Variants in DGLUCY observed in about 807,000 individuals in gnomAD.
The protein encoded by DGLUCY is D-glutamate cyclase.
DGLUCY carries 58 observed loss-of-function variants against 58.5 expected under a neutral mutation model. The ratio of observed to expected loss-of-function variants is 0.99; its 90% CI spans 0.80 to 1.23. The LOEUF is 1.23. Ranked by LOEUF, DGLUCY falls within the 50% of genes most tolerant of loss-of-function variation. DGLUCY has a pLI of 0.00. For missense variants in DGLUCY, 779 were observed against 784.7 expected, an observed-to-expected ratio of 0.99 and a Z score of 0.09; for synonymous variants, 325 against 314.1, an observed-to-expected ratio of 1.03 and a Z score of -0.37.
At chr14:91,196,092 G>A (rs1396184621) in intron 9 of DGLUCY, among the ~76,000 whole-genome samples, 8 of 152,268 alleles carry the variant, frequency 5.3e-5, no homozygotes, top group Admixed American at 1.3e-4. Context: ...AGAACAGGCC[G>A]CTGTTCCCAT....
At position 91,173,395 on chromosome 14, in the gene DGLUCY, C is replaced by T; in HGVS notation, c.563C>T (p.Ser188Phe). Residue 188 changes from serine to phenylalanine, a missense_variant, in exon 6 of 14, where the codon TCC (serine) becomes TTC (phenylalanine). Physicochemically the swap from Ser to Phe is radical, Grantham distance 155. Coordinates refer to ENST00000256324, the MANE Select transcript of DGLUCY (RefSeq NM_001102368.3). ...GAAGGGCTGGTGCGGGCCTGCTGCT[C>T]CCTCGGAGGTGAGCAGGGGCAACCT... ...KLEGLVRACC[S>F]LGGEQGQPVH... is the part of the protein sequence containing the mutation. The T allele has an allele frequency of 1.2e-6, 2 of 1,611,434 alleles. No individual in the cohort carries two copies. Among genetic ancestry groups the T allele is most frequent in the Non-Finnish European group, 1.7e-6 (2 of 1,179,324 alleles).
chr14:91,169,341 T>C (rs1411660733), intron 4 of DGLUCY, among the ~76,000 whole-genome samples: 1 of 152,052 alleles, frequency 6.6e-6, no homozygotes, highest in Non-Finnish European at 1.5e-5. Flanking sequence ...ACATATTCTC[T>C]GTCCCCTTTG....
intron 13 of DGLUCY, among the ~76,000 whole-genome samples, chr14:91,220,158 G>A (rs1019458941): frequency 3.3e-5 from 5 of 152,240 alleles, no homozygotes; most frequent in African/African-American, 1.2e-4. Context: ...TGAAGTGGGT[G>A]GTTAGGAAGG....
At chr14:91,181,771 T>C (rs2049184373) in intron 8 of DGLUCY, among the ~76,000 whole-genome samples, 2 of 151,476 alleles carry the variant, frequency 1.3e-5, no homozygotes, top group South Asian at 2.1e-4. Context: ...CTCAGCCTCC[T>C]GAGTAGCTGG....
intron 1 of DGLUCY, among the ~76,000 whole-genome samples, chr14:91,070,791 A>G (rs2043902184): frequency 6.6e-6 from 1 of 152,208 alleles, no homozygotes; most frequent in Non-Finnish European, 1.5e-5. Context: ...CTGAAGACCA[A>G]GTCAGAACAA....
rs1205783662 is a variant in DGLUCY, at chr14:91,225,061, A to T, written c.*228A>T. 2.4e-6 allele frequency: 1 copy of T among 414,840 alleles called. No individual in the cohort carries two copies. The highest frequency in any genetic ancestry group is 2.0e-5 in the African/African-American group (1 of 48,798). 25.7% of individuals were successfully genotyped at this position (414,840 alleles called of 1,614,324 possible). A position where few individuals can be genotyped will look rare whatever the true frequency, so the allele number is the denominator to read the frequency against. ...GGGCTTTTTAACTTTTATTCCTAAG[A>T]CTCTAAAGGCGTTGATTTCAACCCT... On this transcript the variant is annotated 3_prime_UTR_variant, in exon 14 of 14. Transcript: ENST00000256324.
intron 1 of DGLUCY, among the ~76,000 whole-genome samples, chr14:91,101,412 T>C (rs546646349): frequency 6.6e-6 from 1 of 152,316 alleles, no homozygotes; most frequent in African/African-American, 2.4e-5. Flanking sequence ...TTCACTTCAT[T>C]TGAGAGCCCC....
At chr14:91,196,820 A>G (rs536328565) in intron 10 of DGLUCY, among the ~76,000 whole-genome samples, 1 of 151,462 alleles carries the variant, frequency 6.6e-6, no homozygotes, top group Admixed American at 6.6e-5. Context: ...TAGTGAAATC[A>G]TTTCAGTTAG....
At chr14:91,112,659 C>G (rs2044726221), upstream of DGLUCY, among the ~76,000 whole-genome samples, 1 of 151,506 alleles carries the variant, frequency 6.6e-6, no homozygotes, top group East Asian at 1.9e-4. Context: ...AAAAAAGGAA[C>G]AAGATGCATG....
Position 91,162,618 on chromosome 14 carries a change from C to T in DGLUCY, c.103+2221C>T, listed in dbSNP as rs1214185508. Reference sequence around the variant, plus strand: ...TTTAATTAAAAAGGAAACAAAGGGCCGGGCACGGTGGCGCACGCCTGTAAT... The same window carrying T: ...TTTAATTAAAAAGGAAACAAAGGGCTGGGCACGGTGGCGCACGCCTGTAAT... On this transcript the variant is annotated intron_variant, in intron 3 of 13. Transcript: ENST00000256324. Among the ~76,000 whole-genome samples, 8 of 152,252 alleles carry T rather than the reference C, an allele frequency of 5.3e-5. No individual in the cohort carries two copies. The East Asian group carries it at 5.8e-4, about 11-fold the overall frequency.
chr14:91,183,640 T>C (rs2049316791), intron 8 of DGLUCY, among the ~76,000 whole-genome samples: 1 of 152,200 alleles, frequency 6.6e-6, no homozygotes, highest in Admixed American at 6.6e-5. Flanking sequence ...TATTAAATTC[T>C]CCCAGTGACT....
At chr14:91,179,850 T>A (rs2049065332) in intron 7 of DGLUCY, among the ~76,000 whole-genome samples, 1 of 151,986 alleles carries the variant, frequency 6.6e-6, no homozygotes, top group Non-Finnish European at 1.5e-5. Context: ...ATTTATTTTT[T>A]TTTTTTACAT....
chr14:91,210,936 A>G (rs1885584280), intron 12 of DGLUCY, among the ~76,000 whole-genome samples: 1 of 152,216 alleles, frequency 6.6e-6, no homozygotes, highest in South Asian at 2.1e-4. Flanking sequence ...CTTTGCTTGC[A>G]GATGGCATGA....
intron 9 of DGLUCY, among the ~76,000 whole-genome samples, chr14:91,192,314 G>A (rs2049949285): frequency 6.6e-6 from 1 of 152,338 alleles, no homozygotes; most frequent in East Asian, 1.9e-4. Context: ...AGGGCAGAAA[G>A]TAGAGTGGTG....
intron 2 of DGLUCY, chr14:91,159,075 C>T (rs764904164): frequency 3.3e-5 from 5 of 150,066 alleles, no homozygotes; most frequent in Non-Finnish European, 5.9e-5. Flanking sequence ...AAGCAATCCT[C>T]CTGCCTCAGC....
chr14:91,061,460 G>C (rs1364146351), intron 1 of DGLUCY, among the ~76,000 whole-genome samples: 1 of 152,218 alleles, frequency 6.6e-6, no homozygotes, highest in East Asian at 1.9e-4. Flanking sequence ...GAAACAATCT[G>C]TGTGTGTACA....
At chr14:91,140,669 C>T (rs1233532660) in intron 1 of DGLUCY, among the ~76,000 whole-genome samples, 2 of 152,068 alleles carry the variant, frequency 1.3e-5, no homozygotes, top group East Asian at 3.9e-4. Flanking sequence ...AGACCCCTTT[C>T]CAAAACAAAC....
intron 1 of DGLUCY, among the ~76,000 whole-genome samples, chr14:91,088,247 G>A (rs1220102811): frequency 6.6e-6 from 1 of 152,208 alleles, no homozygotes; most frequent in East Asian, 1.9e-4. Context: ...TACAGTAAAA[G>A]ATATGTGAAA....
intron 4 of DGLUCY, among the ~76,000 whole-genome samples, chr14:91,168,421 A>C (rs898721319): frequency 6.6e-6 from 1 of 151,080 alleles, no homozygotes; most frequent in Non-Finnish European, 1.5e-5. Context: ...GAGACAGAAA[A>C]CCCCCCAGGA....
Sources: allele counts gnomAD v4.1 joint callset (sites outside exome capture counted in the v4.1 genomes callset), GRCh38; gene constraint gnomAD v4.1.1; transcripts MANE v1.5; gene names NCBI Gene and HGNC (gene_info 2026-07-23, HGNC 2026-07-21).